Variants in EYS observed in about 807,000 individuals in gnomAD.
EYS encodes the protein protein eyes shut homolog.
A neutral mutation model predicts 282.1 loss-of-function variants in EYS; 250 were observed. That is an observed-to-expected ratio of 0.89 (90% CI 0.80 to 0.98). The LOEUF (loss-of-function observed/expected upper bound fraction) is 0.98, where lower values mean the gene tolerates loss of function less well. Ranked by LOEUF, EYS falls within the 50% of genes least tolerant of loss-of-function variation. EYS has a pLI of 0.00. For missense variants in EYS, 4,016 were observed against 3,709.0 expected (o/e 1.08, Z -2.15); for synonymous variants, 1,355 against 1,282.9 (o/e 1.06, Z -1.20).
At chr6:65,672,030 T>A (rs1768406494) in intron 1 of EYS, among the ~76,000 whole-genome samples, 1 of 152,096 alleles carries the variant, frequency 6.6e-6, no homozygotes, top group African/African-American at 2.4e-5. Flanking sequence ...TTCACCTGAC[T>A]TGGCATACTG....
intron 26 of EYS, among the ~76,000 whole-genome samples, chr6:64,505,105 G>C (rs895400430): frequency 5.9e-5 from 9 of 152,282 alleles, no homozygotes; most frequent in African/African-American, 1.9e-4. Context: ...TTAGTTATGA[G>C]GCTGCAAGAG....
intron 30 of EYS, among the ~76,000 whole-genome samples, chr6:64,259,024 C>T (rs1187312898): frequency 6.6e-6 from 1 of 151,994 alleles, no homozygotes; most frequent in Non-Finnish European, 1.5e-5. Flanking sequence ...AGAACAGAGG[C>T]CCCATGTTTG....
intron 31 of EYS, among the ~76,000 whole-genome samples, chr6:64,089,788 A>G (rs1214501249): frequency 1.3e-5 from 2 of 152,044 alleles, no homozygotes; most frequent in African/African-American, 4.8e-5. Context: ...CCCACAGAAG[A>G]GAACTTCTAA....
chr6:65,178,800 T>C (rs1336282910), intron 12 of EYS, among the ~76,000 whole-genome samples: 3 of 151,910 alleles, frequency 2.0e-5, no homozygotes, highest in African/African-American at 4.8e-5. Context: ...AAATTGACCG[T>C]ATAGTTGGAA....
At chr6:64,159,513 T>A (rs1320988283) in intron 31 of EYS, among the ~76,000 whole-genome samples, 1 of 128,614 alleles carries the variant, frequency 7.8e-6, no homozygotes, top group Non-Finnish European at 1.5e-5. Flanking sequence ...AGAGCCGAGA[T>A]CGCACCACTG....
intron 31 of EYS, among the ~76,000 whole-genome samples, chr6:64,121,577 C>T (rs1773590895): frequency 6.6e-6 from 1 of 152,160 alleles, no homozygotes; most frequent in Non-Finnish European, 1.5e-5. Flanking sequence ...AATCCACTTT[C>T]TTAGTTTCCA....
At chr6:65,401,389 T>C (rs955163663) in intron 7 of EYS, among the ~76,000 whole-genome samples, 4 of 151,158 alleles carry the variant, frequency 2.6e-5, no homozygotes, top group Admixed American at 1.3e-4. Context: ...GGGGAGGAGA[T>C]GTATTTGTTT....
intron 31 of EYS, among the ~76,000 whole-genome samples, chr6:64,219,487 T>G (rs955159873): frequency 5.3e-5 from 8 of 152,188 alleles, no homozygotes; most frequent in African/African-American, 1.9e-4. Context: ...TTATTTTTGT[T>G]TTTGTTTGTT....
At chr6:65,698,062 G>C (rs1217133156) in intron 1 of EYS, among the ~76,000 whole-genome samples, 1 of 152,092 alleles carries the variant, frequency 6.6e-6, no homozygotes, top group Admixed American at 6.5e-5. Flanking sequence ...GGGTGGGAGG[G>C]AGACGGATAT....
At chr6:63,900,078 C>A (rs1350708682) in intron 35 of EYS, among the ~76,000 whole-genome samples, 2 of 152,096 alleles carry the variant, frequency 1.3e-5, no homozygotes, top group Non-Finnish European at 1.5e-5. Context: ...CTACGGTTTG[C>A]TTTGTACCTT....
chr6:65,507,627 T>G (rs923329723), intron 2 of EYS, among the ~76,000 whole-genome samples: 2 of 152,154 alleles, frequency 1.3e-5, no homozygotes, highest in African/African-American at 4.8e-5. Flanking sequence ...TTATTTTATT[T>G]TATTTTTCCT....
At chr6:64,364,691 T>C (rs1005206753) in intron 29 of EYS, among the ~76,000 whole-genome samples, 1 of 151,844 alleles carries the variant, frequency 6.6e-6, no homozygotes, top group Non-Finnish European at 1.5e-5. Context: ...TTACCCACTT[T>C]TACATTTTAA....
At chr6:63,783,472 G>A (rs1179267755) in intron 39 of EYS, among the ~76,000 whole-genome samples, 2 of 152,214 alleles carry the variant, frequency 1.3e-5, no homozygotes, top group Non-Finnish European at 2.9e-5. Context: ...CATGTATTAT[G>A]TGAAAGCACC....
chr6:64,393,578 A>T (rs1262762345), intron 28 of EYS, among the ~76,000 whole-genome samples: 4 of 152,130 alleles, frequency 2.6e-5, no homozygotes, highest in Non-Finnish European at 5.9e-5. Context: ...ACAAAATTCA[A>T]CAACCCTTCA....
chr6:64,605,907 C>A (rs1218272396), intron 24 of EYS, among the ~76,000 whole-genome samples: 1 of 151,948 alleles, frequency 6.6e-6, no homozygotes, highest in African/African-American at 2.4e-5. Context: ...TTTAGGGAAG[C>A]TTTTCTTAAG....
At chr6:65,421,725 C>A (rs140900111) in intron 5 of EYS, among the ~76,000 whole-genome samples, 8 of 151,764 alleles carry the variant, frequency 5.3e-5, no homozygotes, top group African/African-American at 1.7e-4. Context: ...CACTTAGAGG[C>A]CATTGTAGGG....
At chr6:64,085,340 G>GCGCACACACACAGACACA (rs112388321) in intron 31 of EYS, among the ~76,000 whole-genome samples, 1 of 139,814 alleles carries the variant, frequency 7.2e-6, no homozygotes, top group Non-Finnish European at 1.5e-5. Context: ...ACGTGCGCGC[G>GCGCACACACACAGACACA]CACACACACA....
At chr6:64,119,530 T>A (rs1054728447) in intron 31 of EYS, among the ~76,000 whole-genome samples, 4 of 152,216 alleles carry the variant, frequency 2.6e-5, no homozygotes, top group African/African-American at 9.6e-5. Context: ...CAAAGAAATA[T>A]TTAAACCTGT....
intron 30 of EYS, among the ~76,000 whole-genome samples, chr6:64,300,465 A>G (rs770033192): frequency 2.0e-5 from 3 of 149,756 alleles, no homozygotes; most frequent in African/African-American, 7.3e-5. Context: ...CTTTCTGATA[A>G]TGGCCACTGT....
Sources: allele counts gnomAD v4.1 joint callset (sites outside exome capture counted in the v4.1 genomes callset), GRCh38; gene constraint gnomAD v4.1.1; transcripts MANE v1.5; gene names NCBI Gene and HGNC (gene_info 2026-07-23, HGNC 2026-07-21).